Variants in XRCC4 observed in about 807,000 individuals in gnomAD.
XRCC4 encodes X-ray repair cross complementing 4.
In XRCC4, 28 loss-of-function variants were observed where a neutral mutation model predicts 39.1. The ratio of observed to expected loss-of-function variants is 0.72; its 90% CI spans 0.53 to 0.98. XRCC4 has a LOEUF of 0.98. Ranked by LOEUF, XRCC4 falls within the 50% of genes least tolerant of loss-of-function variation. XRCC4 has a pLI of 0.00. For missense variants in XRCC4, 350 were observed against 376.4 expected, an observed-to-expected ratio of 0.93 and a Z score of 0.58; for synonymous variants, 123 against 126.4, an observed-to-expected ratio of 0.97 and a Z score of 0.18.
At position 83,168,758 on chromosome 5, in the gene XRCC4, G is replaced by T. The variant is rs189502685; in HGVS notation, c.316-27012G>T. ...ACAAGAAAATTAATGGGCCAAAGAA[G>T]ACATTAAAAGAAAGATTATGAAACT... is the stretch of plus-strand genomic sequence containing the variant. On this transcript the variant is annotated intron_variant, in intron 3 of 7. Coordinates refer to ENST00000396027, the MANE Select transcript of XRCC4 (RefSeq NM_003401.5). Among the ~76,000 whole-genome samples the T allele has an allele frequency of 2.0e-5, 3 of 152,058 alleles. No individual in the cohort carries two copies. In the East Asian group the frequency reaches 5.8e-4, roughly 29 times the overall value.
intron 7 of XRCC4, among the ~76,000 whole-genome samples, chr5:83,346,845 G>A (rs997238096): frequency 5.9e-5 from 9 of 152,140 alleles, no homozygotes; most frequent in Admixed American, 2.0e-4. Context: ...AAACAGAGCT[G>A]TAACTAATGG....
At chr5:83,364,181 C>A in the XRCC4 span, among the ~76,000 whole-genome samples, 2 of 152,128 alleles carry the variant, frequency 1.3e-5, no homozygotes, top group East Asian at 3.9e-4. Flanking sequence ...TATAGAATAT[C>A]CTTTTTGCCC....
chr5:83,260,014 C>T (rs1008017274), intron 7 of XRCC4, among the ~76,000 whole-genome samples: 1 of 152,002 alleles, frequency 6.6e-6, no homozygotes, highest in Non-Finnish European at 1.5e-5. Flanking sequence ...TTTGTTCTCT[C>T]CACGATTGGC....
At chr5:83,278,051 T>C (rs564617145) in intron 7 of XRCC4, among the ~76,000 whole-genome samples, 11 of 152,352 alleles carry the variant, frequency 7.2e-5, no homozygotes, top group African/African-American at 2.4e-4. Flanking sequence ...CAACAAACGC[T>C]CTTTTATTAG....
At chr5:83,180,035 A>G (rs887702245) in intron 3 of XRCC4, among the ~76,000 whole-genome samples, 1 of 152,242 alleles carries the variant, frequency 6.6e-6, no homozygotes, top group South Asian at 2.1e-4. Context: ...GGGCCTTACC[A>G]GGAAAAACCA....
chr5:83,234,914 T>A (rs1190846040), intron 6 of XRCC4, among the ~76,000 whole-genome samples: 3 of 151,602 alleles, frequency 2.0e-5, no homozygotes, highest in Non-Finnish European at 2.9e-5. Flanking sequence ...TTGTATATGA[T>A]GTAGAATATA....
At chr5:83,286,139 TGA>T (rs907779562) in intron 7 of XRCC4, among the ~76,000 whole-genome samples, 10 of 152,118 alleles carry the variant, frequency 6.6e-5, no homozygotes, top group Admixed American at 2.0e-4. Flanking sequence ...ATGTGACTCT[TGA>T]GACCAATGGA....
At position 83,347,955 on chromosome 5, in the gene XRCC4, G is replaced by A. The variant is rs553989248; in HGVS notation, c.894-5176G>A. Among the ~76,000 whole-genome samples the A allele has an allele frequency of 7.9e-5, 12 of 152,282 alleles. No homozygotes were observed. In the East Asian group the frequency reaches 1.5e-3, roughly 20 times the overall value. ...GGGGCTACAGGCCCCATGCAAGTCCGAAAACCAGCATGGCAGTCATTAAAT... is the reference window on the plus strand; with the variant it reads ...GGGGCTACAGGCCCCATGCAAGTCCAAAAACCAGCATGGCAGTCATTAAAT... On this transcript the variant is annotated intron_variant, in intron 7 of 7. Coordinates refer to ENST00000396027, the MANE Select transcript of XRCC4 (RefSeq NM_003401.5).
intron 3 of XRCC4, among the ~76,000 whole-genome samples, chr5:83,132,425 C>G (rs1403938375): frequency 6.6e-6 from 1 of 151,996 alleles, no homozygotes. Flanking sequence ...TGAATGTTGG[C>G]CTTCCTTGCT....
rs1286378826 is a variant in XRCC4, at chr5:83,258,579, T to G, written c.795T>G (p.Asp265Glu). The change falls in exon 7 of 8, where the codon GAT (aspartate) becomes GAG (glutamate). Residue 265 changes from aspartate to glutamate, a missense_variant. Coordinates refer to ENST00000396027, the MANE Select transcript of XRCC4 (RefSeq NM_003401.5). The part of the protein sequence containing the change: ...DSIISSLDVT[D>E]IAPSRKRRQR... ...TTATTTCAAGTCTTGATGTCACTGA[T>G]ATTGCACCAAGTAGAAAAAGGAGAC... The G allele has an allele frequency of 2.5e-6, 4 of 1,610,516 alleles. No homozygotes were observed. The highest frequency in any genetic ancestry group is 3.4e-6 in the Non-Finnish European group (4 of 1,178,998).
At chr5:83,263,579 A>T (rs1333326621) in intron 7 of XRCC4, among the ~76,000 whole-genome samples, 10 of 151,050 alleles carry the variant, frequency 6.6e-5, no homozygotes, top group African/African-American at 2.5e-4. Flanking sequence ...TTTGATTTGC[A>T]TTTCTCTGAT....
intron 6 of XRCC4, among the ~76,000 whole-genome samples, chr5:83,234,636 T>C (rs1472437089): frequency 1.3e-5 from 2 of 152,158 alleles, no homozygotes; most frequent in African/African-American, 4.8e-5. Context: ...AGAAATGTAA[T>C]CAGAAGGAAA....
chr5:83,290,474 A>T (rs193012713), intron 7 of XRCC4, among the ~76,000 whole-genome samples: 114 of 151,352 alleles, frequency 7.5e-4, no homozygotes, highest in African/African-American at 2.6e-3. Context: ...TATTCTGATC[A>T]TATTCTGCAC....
intron 7 of XRCC4, among the ~76,000 whole-genome samples, chr5:83,331,177 T>A (rs962488667): frequency 2.6e-5 from 4 of 152,080 alleles, no homozygotes; most frequent in African/African-American, 9.7e-5. Context: ...GCAGAAAAAC[T>A]ACTCCAAAAA....
intron 3 of XRCC4, among the ~76,000 whole-genome samples, chr5:83,192,451 G>A (rs1750753851): frequency 6.6e-6 from 1 of 151,546 alleles, no homozygotes; most frequent in Non-Finnish European, 1.5e-5. Flanking sequence ...GGGACTACAG[G>A]CACACGCCAC....
Position 83,091,155 on chromosome 5 carries a change from C to T in XRCC4, c.-11+13540C>T, listed in dbSNP as rs1456232510. Among the ~76,000 whole-genome samples the T allele has an allele frequency of 2.6e-5, 4 of 152,052 alleles. No homozygotes were observed. In the East Asian group the frequency reaches 7.7e-4, roughly 29 times the overall value. On this transcript the variant is annotated intron_variant, in intron 1 of 7. Coordinates refer to ENST00000396027, the MANE Select transcript of XRCC4 (RefSeq NM_003401.5). ...TATACTCTTTTGACTGTTGTGTTAG[C>T]CTGTTTTCACACTGCTATGAGGAAC...
chr5:83,234,016 C>A (rs572414925), intron 6 of XRCC4, among the ~76,000 whole-genome samples: 1 of 151,974 alleles, frequency 6.6e-6, no homozygotes, highest in Non-Finnish European at 1.5e-5. Context: ...TCTACCAATA[C>A]CTTTGCTCAC....
At chr5:83,114,365 A>G (rs1018700760) in intron 3 of XRCC4, among the ~76,000 whole-genome samples, 1 of 152,132 alleles carries the variant, frequency 6.6e-6, no homozygotes, top group African/African-American at 2.4e-5. Context: ...TCAGGCTGCA[A>G]ATTTTCCAAA....
chr5:83,165,267 T>C (rs536652849), intron 3 of XRCC4, among the ~76,000 whole-genome samples: 2 of 152,232 alleles, frequency 1.3e-5, no homozygotes, highest in Non-Finnish European at 2.9e-5. Context: ...AAAAAAATTC[T>C]TAGCATGTCT....
Sources: allele counts gnomAD v4.1 joint callset (sites outside exome capture counted in the v4.1 genomes callset), GRCh38; gene constraint gnomAD v4.1.1; transcripts MANE v1.5; gene names NCBI Gene and HGNC (gene_info 2026-07-23, HGNC 2026-07-21).